CACNA1B: variants seen among roughly 807,000 people sequenced by gnomAD.
CACNA1B encodes voltage-dependent N-type calcium channel subunit alpha-1B.
A neutral mutation model predicts 247.2 loss-of-function variants in CACNA1B; 70 were observed. The ratio of observed to expected loss-of-function variants is 0.28; its 90% CI spans 0.23 to 0.35. The LOEUF is 0.35. Ranked by LOEUF, CACNA1B falls within the 10% of genes least tolerant of loss-of-function variation. The pLI is 1.00. For missense variants in CACNA1B, 2,367 were observed against 3,197.4 expected (o/e 0.74, Z 6.26); for synonymous variants, 1,231 against 1,294.4 (o/e 0.95, Z 1.05).
At chr9:137,916,030 A>ATT (rs571447142) in intron 5 of CACNA1B, among the ~76,000 whole-genome samples, 4,978 of 129,518 alleles carry the variant, frequency 0.038, 157 homozygotes, top group South Asian at 0.083. Flanking sequence ...TTGTTATACA[A>ATT]TTTTTTTTTT....
At chr9:138,091,413 G>C (rs1960875072) in intron 36 of CACNA1B, among the ~76,000 whole-genome samples, 1 of 152,188 alleles carries the variant, frequency 6.6e-6, no homozygotes, top group Non-Finnish European at 1.5e-5. Context: ...GATAGCCAAA[G>C]GTTGGTGAAC....
In CACNA1B at chr9:137,882,604, T is replaced by C; in HGVS notation, c.391-140T>C. 1.1e-6 allele frequency: 1 copy of C among 886,850 alleles called. No individual in the cohort carries two copies. Among genetic ancestry groups the C allele is most frequent in the Non-Finnish European group, 1.7e-6 (1 of 574,018 alleles). 54.9% of individuals were successfully genotyped at this position (886,850 alleles called of 1,614,324 possible). A position where few individuals can be genotyped will look rare whatever the true frequency, so the allele number is the denominator to read the frequency against. On this transcript the variant is annotated intron_variant, in intron 2 of 46. Coordinates refer to ENST00000371372, the MANE Select transcript of CACNA1B (RefSeq NM_000718.4). The surrounding 1 kb of genome is among the most constrained non-coding windows in gnomAD (Gnocchi z 4.0). ...GGCTCCTTGGAGAATCTGCAGGGTG[T>C]TGGGGGCAAGGTGAGGAGGGTCAGA...
At position 138,060,590 on chromosome 9, in the gene CACNA1B, T is replaced by G. The variant is rs79755217; in HGVS notation, c.4668+853T>G. On this transcript the variant is annotated intron_variant, in intron 31 of 46. Coordinates refer to ENST00000371372, the MANE Select transcript of CACNA1B (RefSeq NM_000718.4). ...TTGCCTCTGCACCCTCCGCACGGCA[T>G]TAGGCTGAGGGCTGCACCTGGGGTG... Among the ~76,000 whole-genome samples, 746 of 152,292 alleles carry G rather than the reference T, an allele frequency of 4.9e-3. 17 individuals carry two copies. In the East Asian group the frequency reaches 0.073, roughly 15 times the overall value.
chr9:137,905,146 A>T (rs1268363006), intron 3 of CACNA1B, among the ~76,000 whole-genome samples: 1 of 152,086 alleles, frequency 6.6e-6, no homozygotes, highest in African/African-American at 2.4e-5. Flanking sequence ...CGAGGTCAGG[A>T]GTTTGAAACC....
chr9:138,079,507 C>G (rs901078912), intron 36 of CACNA1B, among the ~76,000 whole-genome samples: 1 of 152,056 alleles, frequency 6.6e-6, no homozygotes, highest in African/African-American at 2.4e-5. Context: ...CTTTGGGAAG[C>G]CCAGGCGGAC....
chr9:138,121,594 G>A lies in CACNA1B; in HGVS notation c.6615G>A (p.Thr2205=), dbSNP rs768086614. Residue 2205 remains threonine, a synonymous_variant, in exon 47 of 47, where the codon ACG becomes ACA. Transcript: ENST00000371372. This position sits in a 1 kb window ranked among gnomAD's most constrained non-coding sequence, Gnocchi z 6.8. Reference sequence around the variant, plus strand: ...CCCGCCCCAGCATCACCTACAAGACGGCCAACTCCTCACCCATCCACTTCG... The same window carrying A: ...CCCGCCCCAGCATCACCTACAAGACAGCCAACTCCTCACCCATCCACTTCG... ...LTPRPSITYK[T]ANSSPIHFAG... The A allele has an allele frequency of 8.1e-6, 13 of 1,612,426 alleles. No homozygotes were observed. Among genetic ancestry groups the A allele is most frequent in the Admixed American group, 5.0e-5 (3 of 59,870 alleles).
At chr9:138,015,280 G>T (rs1958777173) in intron 18 of CACNA1B, among the ~76,000 whole-genome samples, 1 of 152,294 alleles carries the variant, frequency 6.6e-6, no homozygotes, top group Admixed American at 6.5e-5. Context: ...CACTGGTTTG[G>T]ACATGACAGC....
intron 6 of CACNA1B, among the ~76,000 whole-genome samples, chr9:137,920,017 A>G (rs2092338231): frequency 6.6e-6 from 1 of 152,142 alleles, no homozygotes; most frequent in Non-Finnish European, 1.5e-5. Context: ...GCACCGCACG[A>G]GGAATAACAG....
intron 6 of CACNA1B, among the ~76,000 whole-genome samples, chr9:137,934,794 A>G (rs1316338844): frequency 2.6e-5 from 4 of 152,178 alleles, no homozygotes; most frequent in African/African-American, 9.7e-5. Context: ...ACCTACATCA[A>G]GGGACCACCC....
rs1421849278 is a variant in CACNA1B at position 137,899,834 on chromosome 9, A to G, written c.531-13346A>G. Among the ~76,000 whole-genome samples the G allele has an allele frequency of 6.6e-6, 1 of 152,126 alleles. No homozygotes were observed. Among genetic ancestry groups the G allele is most frequent in the Admixed American group, 6.5e-5 (1 of 15,286 alleles). On this transcript the variant is annotated intron_variant, in intron 3 of 46. Transcript: ENST00000371372. This position sits in a 1 kb window ranked among gnomAD's most constrained non-coding sequence, Gnocchi z 5.0. ...GCACCTGACCCACCTGCCCCGGCCC[A>G]GGGACCCCCGCACCTGTGCAGGATT...
intron 37 of CACNA1B, among the ~76,000 whole-genome samples, chr9:138,098,885 G>A (rs1333626721): frequency 1.3e-5 from 2 of 152,172 alleles, no homozygotes; most frequent in African/African-American, 2.4e-5. Context: ...CTCACCCTAC[G>A]TAGTCCAAGA....
At position 138,017,155 on chromosome 9, in the gene CACNA1B, C is replaced by T. The variant is rs374327178; in HGVS notation, c.2267+3920C>T. The T allele has an allele frequency of 2.1e-5, 11 of 518,956 alleles. No individual in the cohort carries two copies. The Admixed American group carries it at 2.1e-4, about 10-fold the overall frequency. The allele number at this position is 518,956 out of a possible 1,614,324, so 32.1% of individuals were successfully genotyped here. The stretch of plus-strand genomic sequence containing the variant: ...CATGTGCAGTTTTGTAAAGCAAGCT[C>T]GAGGTACTGTATCTCGCAGCTCATC... On this transcript the variant is annotated intron_variant, in intron 18 of 46. Transcript: ENST00000371372.
chr9:138,028,176 C>A (rs938634002), intron 20 of CACNA1B, among the ~76,000 whole-genome samples: 1 of 151,876 alleles, frequency 6.6e-6, no homozygotes, highest in African/African-American at 2.4e-5. Flanking sequence ...GCGCCCACCA[C>A]CACACCTGGC....
chr9:137,984,353 C>T lies in CACNA1B; in HGVS notation c.1769+103C>T, dbSNP rs563973439. 4.7e-5 allele frequency: 38 copies of T among 804,818 alleles called. No homozygotes were observed. In the African/African-American group the frequency reaches 5.8e-4, roughly 12 times the overall value. The allele number at this position is 804,818 out of a possible 1,614,324, so 49.9% of individuals were successfully genotyped here. A position where few individuals can be genotyped will look rare whatever the true frequency, so the allele number is the denominator to read the frequency against. ...CCCAGGAGTTCACAGCACCCAGAAG[C>T]TCTCTCTGTGGCTTATAGTTGATTT... On this transcript the variant is annotated intron_variant, in intron 13 of 46. Transcript: ENST00000371372.
intron 20 of CACNA1B, among the ~76,000 whole-genome samples, chr9:138,041,314 C>G (rs1959118656): frequency 6.6e-6 from 1 of 152,172 alleles, no homozygotes; most frequent in African/African-American, 2.4e-5. Flanking sequence ...AAAGGGGAAC[C>G]TGTGCCATCG....
chr9:138,070,468 A>G (rs1447731669), intron 32 of CACNA1B, among the ~76,000 whole-genome samples: 3 of 152,270 alleles, frequency 2.0e-5, no homozygotes, highest in Non-Finnish European at 2.9e-5. Context: ...TTTGGAGTGC[A>G]GGTCCAACCG....
chr9:137,921,695 CACG>C, intron 6 of CACNA1B, among the ~76,000 whole-genome samples: 1 of 145,896 alleles, frequency 6.9e-6, no homozygotes, highest in East Asian at 2.0e-4. Flanking sequence ...GTTCGGAGAA[CACG>C]ATCAGCACCA....
chr9:137,879,276 C>G (rs907122097), intron 2 of CACNA1B, 117 bp downstream of exon 2: 6 of 664,024 alleles, frequency 9.0e-6, no homozygotes, highest in Non-Finnish European at 1.6e-5. Context: ...CAGTGCCCCT[C>G]GCGTCTGAAG....
At chr9:137,922,918 G>T (rs987898753) in intron 6 of CACNA1B, among the ~76,000 whole-genome samples, 1 of 152,110 alleles carries the variant, frequency 6.6e-6, no homozygotes, top group African/African-American at 2.4e-5. Context: ...CCCTTTTGTG[G>T]TCACACCCGC....
Sources: allele counts gnomAD v4.1 joint callset (sites outside exome capture counted in the v4.1 genomes callset), GRCh38; gene constraint gnomAD v4.1.1; non-coding constraint Gnocchi (gnomAD v3.1); transcripts MANE v1.5; gene names NCBI Gene and HGNC (gene_info 2026-07-23, HGNC 2026-07-21).